GRM8: variants seen among roughly 807,000 people sequenced by gnomAD.
GRM8 encodes metabotropic glutamate receptor 8.
A neutral mutation model predicts 87.2 loss-of-function variants in GRM8; 47 were observed. The ratio of observed to expected loss-of-function variants is 0.54; its 90% CI spans 0.43 to 0.69. The LOEUF is 0.69. Ranked by LOEUF, GRM8 falls within the 30% of genes least tolerant of loss-of-function variation. The pLI is 0.00. For missense variants in GRM8, 1,019 were observed against 1,139.2 expected (o/e 0.89, Z 1.52); for synonymous variants, 396 against 404.5 (o/e 0.98, Z 0.25).
At chr7:127,024,159 T>C (rs1373374143) in intron 3 of GRM8, among the ~76,000 whole-genome samples, 2 of 152,090 alleles carry the variant, frequency 1.3e-5, no homozygotes, top group African/African-American at 4.8e-5. Context: ...TTGTCAAGTC[T>C]TGTATTTGGC....
chr7:126,555,314 C>A (rs2299459), intron 8 of GRM8, among the ~76,000 whole-genome samples: 115,441 of 152,146 alleles, frequency 0.76, 44,233 homozygotes, highest in East Asian at 0.94. Context: ...AAGGAGATTC[C>A]TATTAATTGC....
chr7:127,081,474 T>C (rs2132787745), intron 3 of GRM8, among the ~76,000 whole-genome samples: 1 of 152,342 alleles, frequency 6.6e-6, no homozygotes, highest in South Asian at 2.1e-4. Context: ...CTTAGGTACA[T>C]CTTTGCCCTG....
intron 9 of GRM8, among the ~76,000 whole-genome samples, chr7:126,466,264 A>G (rs6950510): frequency 0.85 from 128,968 of 151,784 alleles, 55,176 homozygotes; most frequent in African/African-American, 0.96. Context: ...ACAGGTTATT[A>G]ATAGGATATA....
chr7:126,883,941 T>A (rs555463116), intron 6 of GRM8, among the ~76,000 whole-genome samples: 1 of 152,270 alleles, frequency 6.6e-6, no homozygotes, highest in African/African-American at 2.4e-5. Flanking sequence ...ATAAAATATG[T>A]GTATTCATGA....
chr7:126,630,526 C>T (rs754568551), intron 7 of GRM8, among the ~76,000 whole-genome samples: 1 of 152,080 alleles, frequency 6.6e-6, no homozygotes, highest in Non-Finnish European at 1.5e-5. Context: ...CTCTCTAAGT[C>T]GTTAAATGAG....
intron 3 of GRM8, among the ~76,000 whole-genome samples, chr7:126,974,890 C>T (rs934280758): frequency 7.6e-6 from 1 of 130,890 alleles, no homozygotes; most frequent in Non-Finnish European, 1.5e-5. Flanking sequence ...GAGCCAAAAT[C>T]GCGCCACTGC....
chr7:127,092,694 G>A (rs1313703108), intron 3 of GRM8, among the ~76,000 whole-genome samples: 1 of 152,178 alleles, frequency 6.6e-6, no homozygotes, highest in Non-Finnish European at 1.5e-5. Flanking sequence ...GTGACAGAGT[G>A]AGACTCTGTC....
In GRM8 at chr7:127,087,593, T is replaced by C. The variant is rs571353670; in HGVS notation, c.727+18903A>G. 1.8e-4 allele frequency among the ~76,000 whole-genome samples: 27 copies of C among 152,278 alleles called. 1 individual carries two copies. The South Asian group carries it at 2.3e-3, about 13-fold the overall frequency. On this transcript the variant is annotated intron_variant, in intron 3 of 10. Transcript: ENST00000339582. ...ATCTGGAATGATGGTTGCCAGGAACTATGGGAAGAGAAAAATGGGGAGTTA... is the reference window on the plus strand; with the variant it reads ...ATCTGGAATGATGGTTGCCAGGAACCATGGGAAGAGAAAAATGGGGAGTTA...
chr7:126,923,354 C>T (rs1804742438), intron 3 of GRM8, among the ~76,000 whole-genome samples: 1 of 152,218 alleles, frequency 6.6e-6, no homozygotes, highest in African/African-American at 2.4e-5. Flanking sequence ...CACTAACCTA[C>T]TAATCTGTCC....
chr7:126,688,906 T>C (rs1808480042), intron 7 of GRM8, among the ~76,000 whole-genome samples: 1 of 152,166 alleles, frequency 6.6e-6, no homozygotes, highest in Non-Finnish European at 1.5e-5. Context: ...GGTTCACACC[T>C]TTTTTGATGG....
chr7:126,475,819 G>A (rs1376372215), intron 9 of GRM8, among the ~76,000 whole-genome samples: 1 of 152,130 alleles, frequency 6.6e-6, no homozygotes, highest in Non-Finnish European at 1.5e-5. Flanking sequence ...CTACACATAT[G>A]CAGTCACCTA....
At chr7:127,024,739 C>A (rs976690512) in intron 3 of GRM8, among the ~76,000 whole-genome samples, 1 of 152,024 alleles carries the variant, frequency 6.6e-6, no homozygotes, top group South Asian at 2.1e-4. Flanking sequence ...GGTTTTAGCA[C>A]CTGCTGTTGC....
intron 3 of GRM8, among the ~76,000 whole-genome samples, chr7:127,038,518 T>C (rs1047954766): frequency 6.6e-6 from 1 of 152,184 alleles, no homozygotes; most frequent in Non-Finnish European, 1.5e-5. Flanking sequence ...GTTTATTTCA[T>C]ATTAGTGTGC....
chr7:126,716,718 A>G (rs1811786591), intron 7 of GRM8, among the ~76,000 whole-genome samples: 1 of 152,206 alleles, frequency 6.6e-6, no homozygotes, highest in African/African-American at 2.4e-5. Flanking sequence ...GGATGTTTCT[A>G]AGGATCTCTC....
intron 3 of GRM8, among the ~76,000 whole-genome samples, chr7:126,915,733 C>A (rs1027672077): frequency 1.3e-5 from 2 of 151,724 alleles, no homozygotes; most frequent in African/African-American, 2.4e-5. Context: ...GAAATGGTGG[C>A]GGGGGAGAAT....
intron 3 of GRM8, among the ~76,000 whole-genome samples, chr7:127,066,870 T>C (rs983740146): frequency 6.6e-6 from 1 of 152,178 alleles, no homozygotes; most frequent in Admixed American, 6.5e-5. Flanking sequence ...AGCTTCCACA[T>C]ATGAGTGACA....
chr7:127,218,486 G>C, intron 2 of GRM8, among the ~76,000 whole-genome samples: 1 of 152,202 alleles, frequency 6.6e-6, no homozygotes, highest in Non-Finnish European at 1.5e-5. Flanking sequence ...GCCTCCTTCA[G>C]CCTCAGTTTC....
chr7:126,886,031 C>A lies in GRM8; in HGVS notation c.1156+16511G>T, dbSNP rs188152999. The stretch of plus-strand genomic sequence containing the variant: ...ATGGTGGTGTAATTTTCATCACAAC[C>A]ACAGATAACCCAGGTAACTGTGCAG... On this transcript the variant is annotated intron_variant, in intron 6 of 10. Transcript: ENST00000339582. Among the ~76,000 whole-genome samples the A allele has an allele frequency of 3.5e-3, 531 of 152,178 alleles. 4 individuals are homozygous for A. The highest frequency in any genetic ancestry group is 0.012 in the African/African-American group (508 of 41,532).
At chr7:126,582,340 A>G (rs558186698) in intron 8 of GRM8, among the ~76,000 whole-genome samples, 1 of 152,310 alleles carries the variant, frequency 6.6e-6, no homozygotes, top group East Asian at 1.9e-4. Flanking sequence ...TTTTAAGTCT[A>G]TGAAAGCTGG....
Sources: allele counts gnomAD v4.1 joint callset (sites outside exome capture counted in the v4.1 genomes callset), GRCh38; gene constraint gnomAD v4.1.1; transcripts MANE v1.5; gene names NCBI Gene and HGNC (gene_info 2026-07-23, HGNC 2026-07-21).